The following E2F2 variants were observed in gnomAD, a reference collection of about 807,000 sequenced individuals.
The protein encoded by E2F2 is E2F transcription factor 2, also known as transcription factor E2F2.
A neutral mutation model predicts 42.2 loss-of-function variants in E2F2; 22 were observed. The ratio of observed to expected loss-of-function variants is 0.52; its 90% CI spans 0.37 to 0.74. E2F2 has a LOEUF of 0.74. Ranked by LOEUF, E2F2 falls within the 30% of genes least tolerant of loss-of-function variation. The pLI, the probability that E2F2 is intolerant of heterozygous loss-of-function variation, is 0.00. For missense variants in E2F2, 481 were observed against 557.8 expected (o/e 0.86, Z 1.39); for synonymous variants, 248 against 251.6 (o/e 0.99, Z 0.13).
intron 4 of E2F2, chr1:23,519,408 T>C: frequency 4.2e-6 from 1 of 236,646 alleles, no homozygotes; most frequent in South Asian, 1.4e-4. Flanking sequence ...TCAAACTAGA[T>C]CATTAGCTCT....
At chr1:23,529,344 C>T (rs1447071535) in intron 1 of E2F2, among the ~76,000 whole-genome samples, 1 of 152,182 alleles carries the variant, frequency 6.6e-6, no homozygotes, top group Non-Finnish European at 1.5e-5. Flanking sequence ...GGAAGGGTCT[C>T]CAGGAAGGTT....
chr1:23,510,237 C>G (rs570651971), intron 6 of E2F2, 89 bp from the exon 7 acceptor site: 10 of 1,439,714 alleles, frequency 6.9e-6, no homozygotes, highest in Non-Finnish European at 9.1e-6. Context: ...TGGATGACTG[C>G]ACCCTTCTTC....
rs1643330233 is a variant in E2F2 at position 23,530,869 on chromosome 1, T to TA, written c.-77_-76insT. 1.4e-6 allele frequency: 2 copies of TA among 1,404,358 alleles called. No homozygotes were observed. The highest frequency in any genetic ancestry group is 1.8e-6 in the Non-Finnish European group (2 of 1,081,926). The allele number at this position is 1,404,358 out of a possible 1,614,324, so 87.0% of individuals were successfully genotyped here. ...CTGCGGGTTCCGGTGCTGCCGCCTT[T>TA]CACACGGCCCGCGGCATGGCGCGGA... On this transcript the variant is annotated 5_prime_UTR_variant, in exon 1 of 7. An upstream open reading frame in the 5' UTR loses its in-frame stop. Transcript: ENST00000361729. The surrounding 1 kb of genome is among the most constrained non-coding windows in gnomAD (Gnocchi z 4.4).
chr1:23,525,364 GC>G (rs1476166327), intron 1 of E2F2, among the ~76,000 whole-genome samples: 1 of 152,142 alleles, frequency 6.6e-6, no homozygotes, highest in Non-Finnish European at 1.5e-5. Context: ...CTGGGCAGGG[GC>G]AGGGCAGGGG....
chr1:23,510,132 T>C lies in E2F2; in HGVS notation c.1062A>G (p.Pro354=). Residue 354 remains proline, a synonymous_variant, in exon 7 of 7, where the codon CCA becomes CCG. Coordinates refer to ENST00000361729, the MANE Select transcript of E2F2 (RefSeq NM_004091.4). ...GAGGCGGTGGGGCCTGCTGGGGGGT[T>C]GGCGCTGGTGCTGGCACTGGAGACA... ...PTASSVPAPA[P]TPQQAPPPPS... The C allele has an allele frequency of 6.2e-7, 1 of 1,600,144 alleles. No homozygotes were observed.
At chr1:23,528,674 AAG>A (rs1314354416) in intron 1 of E2F2, among the ~76,000 whole-genome samples, 1 of 152,222 alleles carries the variant, frequency 6.6e-6, no homozygotes, top group Non-Finnish European at 1.5e-5. Context: ...CACTCAGTAA[AAG>A]AGAGACCTTC....
At position 23,524,417 on chromosome 1, in the gene E2F2, C is replaced by G; in HGVS notation, c.324G>C (p.Lys108Asn). 1 of 1,613,706 alleles carries G rather than the reference C, an allele frequency of 6.2e-7. No homozygotes were observed. Among genetic ancestry groups the G allele is most frequent in the Non-Finnish European group, 8.5e-7 (1 of 1,179,824 alleles). The change falls in exon 2 of 7, where the codon AAG (lysine) becomes AAC (asparagine). Residue 108 changes from lysine to asparagine, a missense_variant. Physicochemically the swap from Lys to Asn is moderately conservative, Grantham distance 94. Coordinates refer to ENST00000361729, the MANE Select transcript of E2F2 (RefSeq NM_004091.4). Reference sequence around the variant, plus strand: ...TGGGGAGGCCATCCACTCTGATGCACTTCCCCTTGGGGGTTGGGAACTCAG... The same window carrying G: ...TGGGGAGGCCATCCACTCTGATGCAGTTCCCCTTGGGGGTTGGGAACTCAG... ...VVPEFPTPKG[K>N]CIRVDGLPSP... is the part of the protein sequence containing the mutation.
intron 5 of E2F2, among the ~76,000 whole-genome samples, chr1:23,518,451 A>G (rs911825544): frequency 1.3e-5 from 2 of 151,030 alleles, no homozygotes; most frequent in African/African-American, 4.8e-5. Context: ...AGCCTGGGCA[A>G]CAGAGTGAGA....
chr1:23,505,221 A>T (rs1388734044), downstream of E2F2, among the ~76,000 whole-genome samples: 1 of 152,216 alleles, frequency 6.6e-6, no homozygotes, highest in African/African-American at 2.4e-5. Context: ...GGAAGTTGTA[A>T]ATAGCCATTT....
intron 2 of E2F2, 24 bp from the exon 3 acceptor site, chr1:23,522,080 A>T: frequency 6.2e-7 from 1 of 1,611,164 alleles, no homozygotes; most frequent in Non-Finnish European, 8.5e-7. Context: ...GGACCCAGTC[A>T]CAGCTCAGGG....
At chr1:23,520,239 G>T (rs1483615120) in intron 4 of E2F2, among the ~76,000 whole-genome samples, 1 of 99,372 alleles carries the variant, frequency 1.0e-5, no homozygotes, top group African/African-American at 6.3e-5. Flanking sequence ...GTGAGACTCT[G>T]TCTCAAAAAA....
At chr1:23,526,336 G>A (rs998772244) in intron 1 of E2F2, among the ~76,000 whole-genome samples, 1 of 152,070 alleles carries the variant, frequency 6.6e-6, no homozygotes, top group Non-Finnish European at 1.5e-5. Flanking sequence ...AATCCCCATT[G>A]TACAGCTGAA....
At position 23,524,444 on chromosome 1, in the gene E2F2, G is replaced by A. The variant is rs751200509; in HGVS notation, c.297C>T (p.Val99=). The change falls in exon 2 of 7, where the codon GTC becomes GTT. Residue 99 remains valine, a synonymous_variant. Transcript: ENST00000361729. The part of the protein sequence containing the change: ...LDLEGIGRPV[V]PEFPTPKGKC... ...TCCCCTTGGGGGTTGGGAACTCAGG[G>A]ACGACGGGCCTCCCAATCCCCTCCA... 2 of 1,613,904 alleles carry A rather than the reference G, an allele frequency of 1.2e-6. No homozygotes were observed. Among genetic ancestry groups the A allele is most frequent in the Admixed American group, 3.3e-5 (2 of 59,988 alleles).
At chr1:23,524,347 C>T (rs749980087) in intron 2 of E2F2, 36 bp downstream of exon 2, 3 of 1,523,036 alleles carry the variant, frequency 2.0e-6, no homozygotes, top group Admixed American at 3.9e-5. Flanking sequence ...TGCCCCTGCC[C>T]CACCCCACCC....
At chr1:23,522,100 C>T (rs1486396454) in intron 2 of E2F2, 44 bp from the exon 3 acceptor site, 26 of 1,576,932 alleles carry the variant, frequency 1.6e-5, no homozygotes, top group Non-Finnish European at 2.3e-5. Context: ...GAGGGGAGGG[C>T]CCGCCCAGGA....
chr1:23,508,562 G>A lies in E2F2; in HGVS notation c.*1318C>T, dbSNP rs1642845837. ...CAAGCCTCTGGGGGAACAGGCTGAA[G>A]CCAAAAGACCCCCTCAGGACCCCAG... On this transcript the variant is annotated 3_prime_UTR_variant, in exon 7 of 7. Coordinates refer to ENST00000361729, the MANE Select transcript of E2F2 (RefSeq NM_004091.4). 6.6e-6 allele frequency: 1 copy of A among 152,318 alleles called. No individual in the cohort carries two copies. The highest frequency in any genetic ancestry group is 6.5e-5 in the Admixed American group (1 of 15,278). The allele number at this position is 152,318 out of a possible 1,614,324, so 9.4% of individuals were successfully genotyped here.
rs2148695200 is a variant in E2F2, at chr1:23,516,402, G to A, written c.978C>T (p.Pro326=). 6.3e-7 allele frequency: 1 copy of A among 1,597,810 alleles called. No individual in the cohort carries two copies. The highest frequency in any genetic ancestry group is 2.3e-5 in the East Asian group (1 of 42,978). ...TGCTGGGCTGGGCAGAGTCAGGGCT[G>A]GGGCAGAGGGTGGAGGTAGAGGGGA... is the stretch of plus-strand genomic sequence containing the variant. The part of the protein sequence containing the change: ...EPLPSTSTLC[P]SPDSAQPSSS... Residue 326 remains proline (P), a synonymous_variant, in exon 6 of 7, where the codon CCC becomes CCT. Transcript: ENST00000361729.
At chr1:23,505,463 A>G (rs777070905), downstream of E2F2, among the ~76,000 whole-genome samples, 6 of 152,206 alleles carry the variant, frequency 3.9e-5, no homozygotes, top group Non-Finnish European at 8.8e-5. Flanking sequence ...ATGGAGCCTC[A>G]GAATACTGAG....
intron 3 of E2F2, among the ~76,000 whole-genome samples, chr1:23,521,308 C>T (rs1343492647): frequency 6.6e-6 from 1 of 152,134 alleles, no homozygotes; most frequent in Non-Finnish European, 1.5e-5. Flanking sequence ...ATCCCTATGC[C>T]CCAGCCTCCT....
Sources: allele counts gnomAD v4.1 joint callset (sites outside exome capture counted in the v4.1 genomes callset), GRCh38; gene constraint gnomAD v4.1.1; non-coding constraint Gnocchi (gnomAD v3.1); transcripts MANE v1.5; gene names NCBI Gene and HGNC (gene_info 2026-07-23, HGNC 2026-07-21).